The following RALYL variants were observed in gnomAD, a reference collection of about 807,000 sequenced individuals.
RALYL encodes RALY RNA binding protein like, also known as RNA-binding Raly-like protein.
In RALYL, 29 loss-of-function variants were observed where a neutral mutation model predicts 35.1. The ratio of observed to expected loss-of-function variants is 0.83; its 90% CI spans 0.61 to 1.13. The LOEUF (loss-of-function observed/expected upper bound fraction) is 1.13, where lower values mean the gene tolerates loss of function less well. Among genes scored for constraint, RALYL ranks in the 50% most tolerant of loss-of-function variants. RALYL has a pLI of 0.00. For missense variants in RALYL, 359 were observed against 360.4 expected (o/e 1.00, Z 0.03); for synonymous variants, 120 against 127.6 (o/e 0.94, Z 0.40).
intron 1 of RALYL, among the ~76,000 whole-genome samples, chr8:84,513,949 G>T (rs1013772731): frequency 6.6e-6 from 1 of 151,796 alleles, no homozygotes; most frequent in Non-Finnish European, 1.5e-5. Flanking sequence ...TTAAAAATTA[G>T]CCAGGCATGG....
At chr8:84,568,601 T>C (rs1156926585) in intron 2 of RALYL, among the ~76,000 whole-genome samples, 1 of 141,852 alleles carries the variant, frequency 7.0e-6, no homozygotes, top group African/African-American at 2.6e-5. Flanking sequence ...GTATTTCTAG[T>C]TCTAGATCCC....
intron 1 of RALYL, among the ~76,000 whole-genome samples, chr8:84,496,680 A>C (rs925876617): frequency 8.5e-5 from 13 of 152,262 alleles, no homozygotes; most frequent in African/African-American, 3.1e-4. Context: ...TATTTCTAAA[A>C]TATATCTGTA....
At chr8:84,855,869 G>A (rs952833109) in intron 5 of RALYL, among the ~76,000 whole-genome samples, 9 of 152,060 alleles carry the variant, frequency 5.9e-5, no homozygotes, top group East Asian at 1.9e-4. Flanking sequence ...TGTAAAACAC[G>A]TATACATTTT....
chr8:84,431,614 C>G (rs1173523325), intron 1 of RALYL, among the ~76,000 whole-genome samples: 1 of 152,072 alleles, frequency 6.6e-6, no homozygotes, highest in Non-Finnish European at 1.5e-5. Flanking sequence ...TAGTATCAAC[C>G]TTTTTTGATT....
chr8:84,460,864 T>C (rs183352921), intron 1 of RALYL, among the ~76,000 whole-genome samples: 1 of 151,618 alleles, frequency 6.6e-6, no homozygotes, highest in East Asian at 1.9e-4. Flanking sequence ...TCTTAGTAGC[T>C]TGGAAATATA....
intron 5 of RALYL, among the ~76,000 whole-genome samples, chr8:84,854,103 T>C (rs1253035513): frequency 6.6e-6 from 1 of 152,116 alleles, no homozygotes; most frequent in African/African-American, 2.4e-5. Flanking sequence ...CCCAGCACTT[T>C]GGGAGGCCGA....
At chr8:84,750,813 C>A (rs777286156) in intron 2 of RALYL, among the ~76,000 whole-genome samples, 3 of 152,078 alleles carry the variant, frequency 2.0e-5, no homozygotes, top group Non-Finnish European at 2.9e-5. Flanking sequence ...AGCAAGAAGG[C>A]CCCCACCAGA....
intron 8 of RALYL, among the ~76,000 whole-genome samples, chr8:84,899,324 T>C (rs921319412): frequency 6.6e-6 from 1 of 152,094 alleles, no homozygotes; most frequent in Non-Finnish European, 1.5e-5. Context: ...ATTTTCCTTC[T>C]TTCTGGATCA....
intron 2 of RALYL, among the ~76,000 whole-genome samples, chr8:84,698,698 T>G (rs1255741752): frequency 6.6e-6 from 1 of 151,970 alleles, no homozygotes; most frequent in Admixed American, 6.6e-5. Context: ...TAAGGGCAAG[T>G]TTCAGGAAAG....
At chr8:84,916,514 T>C (rs1328440532) in intron 8 of RALYL, among the ~76,000 whole-genome samples, 2 of 152,008 alleles carry the variant, frequency 1.3e-5, no homozygotes, top group East Asian at 1.9e-4. Context: ...TAAGATCTGA[T>C]GGTGCTATAG....
chr8:84,568,319 G>A (rs1410787276), intron 2 of RALYL, among the ~76,000 whole-genome samples: 5 of 150,178 alleles, frequency 3.3e-5, no homozygotes, highest in South Asian at 2.1e-4. Context: ...TTGTCCTTGC[G>A]ATACTTTGCT....
intron 1 of RALYL, among the ~76,000 whole-genome samples, chr8:84,283,551 C>A (rs1194578980): frequency 6.6e-6 from 1 of 152,002 alleles, no homozygotes; most frequent in Non-Finnish European, 1.5e-5. Flanking sequence ...GGAAGAAATC[C>A]CAACATGATG....
intron 1 of RALYL, among the ~76,000 whole-genome samples, chr8:84,315,637 A>C (rs773336846): frequency 4.6e-5 from 7 of 152,190 alleles, no homozygotes; most frequent in Non-Finnish European, 1.0e-4. Flanking sequence ...AAACTACCAA[A>C]TTTCTTGTTA....
At chr8:84,859,184 C>T (rs1837622781) in intron 5 of RALYL, among the ~76,000 whole-genome samples, 2 of 152,020 alleles carry the variant, frequency 1.3e-5, no homozygotes, top group Admixed American at 6.6e-5. Context: ...TTGGCATACA[C>T]CCTATGTATA....
chr8:84,902,751 C>A (rs1845903688), intron 8 of RALYL, among the ~76,000 whole-genome samples: 1 of 152,088 alleles, frequency 6.6e-6, no homozygotes, highest in African/African-American at 2.4e-5. Flanking sequence ...CACTGAGTCT[C>A]TGAGGCTCAC....
chr8:84,789,139 C>A (rs1190182274), intron 3 of RALYL, among the ~76,000 whole-genome samples: 1 of 152,166 alleles, frequency 6.6e-6, no homozygotes, highest in East Asian at 1.9e-4. Flanking sequence ...ATGATGTATT[C>A]CTAACTCAGA....
chr8:84,907,789 A>G (rs1846782134), intron 8 of RALYL, among the ~76,000 whole-genome samples: 1 of 152,110 alleles, frequency 6.6e-6, no homozygotes, highest in South Asian at 2.1e-4. Context: ...GTTCACTCTA[A>G]TAAATGAAAA....
chr8:84,518,015 AT>A (rs2058189881), intron 1 of RALYL, among the ~76,000 whole-genome samples: 1 of 152,168 alleles, frequency 6.6e-6, no homozygotes, highest in South Asian at 2.1e-4. Flanking sequence ...ATGGTTAAAC[AT>A]TCTAAAAAAC....
intron 1 of RALYL, among the ~76,000 whole-genome samples, chr8:84,224,568 T>C (rs1823358379): frequency 6.6e-6 from 1 of 152,112 alleles, no homozygotes; most frequent in African/African-American, 2.4e-5. Flanking sequence ...GAAAATTATA[T>C]ATTTAAGCTA....
Sources: gnomAD v4.1 joint callset for allele counts (sites outside exome capture counted in the v4.1 genomes callset) on GRCh38, gnomAD v4.1.1 for gene constraint, MANE v1.5 for transcripts, NCBI Gene and HGNC (gene_info 2026-07-23, HGNC 2026-07-21) for gene names.